DNM3: variants seen among roughly 807,000 people sequenced by gnomAD.
The protein encoded by DNM3 is dynamin-3.
DNM3 carries 47 observed loss-of-function variants against 101.6 expected under a neutral mutation model. The observed-to-expected ratio is 0.46, with a 90% confidence interval of 0.37 to 0.59. DNM3 has a LOEUF of 0.59. Among genes scored for constraint, DNM3 ranks in the 20% least tolerant of loss-of-function variants. The probability of loss-of-function intolerance (pLI) is 0.00; values close to 1 mark genes in which losing one functional copy is unlikely to be tolerated. For missense variants in DNM3, 849 were observed against 1,085.7 expected (o/e 0.78, Z 3.06); for synonymous variants, 385 against 387.9 (o/e 0.99, Z 0.09).
chr1:172,238,268 AC>A (rs2061615799), intron 14 of DNM3, among the ~76,000 whole-genome samples: 2 of 152,140 alleles, frequency 1.3e-5, no homozygotes, highest in Admixed American at 6.6e-5. Context: ...ATACTGCCCT[AC>A]ACTTCCTGGT....
At chr1:172,234,463 G>T (rs1311480093) in intron 14 of DNM3, among the ~76,000 whole-genome samples, 2 of 152,068 alleles carry the variant, frequency 1.3e-5, no homozygotes, top group African/African-American at 4.8e-5. Context: ...ACTGCCCAAG[G>T]TAATTTACAG....
chr1:172,314,406 G>A (rs963927157), intron 16 of DNM3, among the ~76,000 whole-genome samples: 12 of 152,176 alleles, frequency 7.9e-5, no homozygotes, highest in Admixed American at 5.9e-4. Context: ...GGTGCAGCAC[G>A]CGGTGCACGA....
At chr1:172,202,688 G>T (rs1403262594) in intron 14 of DNM3, among the ~76,000 whole-genome samples, 1 of 152,124 alleles carries the variant, frequency 6.6e-6, no homozygotes, top group Admixed American at 6.6e-5. Flanking sequence ...AACTGGGCGT[G>T]AGAACTATGT....
intron 14 of DNM3, chr1:172,132,963 C>G: frequency 1.9e-6 from 3 of 1,539,366 alleles, no homozygotes; most frequent in South Asian, 1.2e-5. Context: ...GAAATTTGAA[C>G]CCAGGCTGTT....
intron 11 of DNM3, among the ~76,000 whole-genome samples, chr1:172,078,380 C>T (rs1041934965): frequency 2.0e-5 from 3 of 152,212 alleles, no homozygotes; most frequent in African/African-American, 7.2e-5. Context: ...GCATGAGCCA[C>T]TGCACCTGGC....
chr1:172,409,610 C>T lies in DNM3; in HGVS notation c.*1769C>T, dbSNP rs767042340. ...CAAACTGGGGGAAAAAAAGTTAACT[C>T]TTTGTGAATGGAACCAATGTGCAAG... is the stretch of plus-strand genomic sequence containing the variant. On this transcript the variant is annotated 3_prime_UTR_variant, in exon 21 of 21. Coordinates refer to ENST00000627582, the MANE Select transcript of DNM3 (RefSeq NM_015569.5). 25 of 985,516 alleles carry T rather than the reference C, an allele frequency of 2.5e-5. No homozygotes were observed. Among genetic ancestry groups the T allele is most frequent in the Non-Finnish European group, 3.0e-5 (25 of 829,884 alleles). 61.0% of individuals were successfully genotyped at this position (985,516 alleles called of 1,614,324 possible). A position where few individuals can be genotyped will look rare whatever the true frequency, so the allele number is the denominator to read the frequency against.
chr1:171,909,699 G>T (rs1204532476), intron 1 of DNM3, among the ~76,000 whole-genome samples: 1 of 152,122 alleles, frequency 6.6e-6, no homozygotes. Flanking sequence ...AGTTTGTGCT[G>T]TCAAAGACCT....
At chr1:172,171,545 T>G (rs1468931995) in intron 14 of DNM3, among the ~76,000 whole-genome samples, 1 of 151,752 alleles carries the variant, frequency 6.6e-6, no homozygotes, top group African/African-American at 2.4e-5. Flanking sequence ...TTATCCAAAC[T>G]TGTTATTTAC....
intron 2 of DNM3, among the ~76,000 whole-genome samples, chr1:171,929,385 C>G (rs2125356847): frequency 6.6e-6 from 1 of 152,318 alleles, no homozygotes; most frequent in South Asian, 2.1e-4. Flanking sequence ...TTTTGTAGGA[C>G]AGCTGTGCTG....
At chr1:172,373,965 T>G (rs2068479737) in intron 17 of DNM3, among the ~76,000 whole-genome samples, 1 of 152,084 alleles carries the variant, frequency 6.6e-6, no homozygotes, top group Non-Finnish European at 1.5e-5. Context: ...TTTTAATTTA[T>G]TTTTTAGTTG....
intron 14 of DNM3, among the ~76,000 whole-genome samples, chr1:172,233,592 G>C (rs2061422129): frequency 6.6e-6 from 1 of 152,128 alleles, no homozygotes; most frequent in Admixed American, 6.5e-5. Context: ...AACAAAAAAA[G>C]AGAATTTTAG....
At chr1:171,861,673 G>A (rs770635442) in intron 1 of DNM3, among the ~76,000 whole-genome samples, 8 of 152,108 alleles carry the variant, frequency 5.3e-5, no homozygotes, top group Non-Finnish European at 1.2e-4. Context: ...GGTGATTTTA[G>A]ATTAGACAGT....
At chr1:172,004,777 T>C (rs1344718732) in intron 4 of DNM3, among the ~76,000 whole-genome samples, 1 of 151,864 alleles carries the variant, frequency 6.6e-6, no homozygotes, top group East Asian at 1.9e-4. Context: ...AAAAGAGAAC[T>C]CAGTTTAAAT....
chr1:172,106,847 C>CTTTTTTTTTTTTTTTTTTTTTT lies in DNM3; in HGVS notation c.1545+13975_1545+13996dup, dbSNP rs1165611083. Among the ~76,000 whole-genome samples, 12 of 67,954 alleles carry CTTTTTTTTTTTTTTTTTTTTTT rather than the reference C, an allele frequency of 1.8e-4. 1 individual carries two copies. The highest frequency in any genetic ancestry group is 7.6e-4 in the African/African-American group (12 of 15,790). 44.6% of individuals were successfully genotyped at this position (67,954 alleles called of 152,430 possible). A position where few individuals can be genotyped will look rare whatever the true frequency, so the allele number is the denominator to read the frequency against. On this transcript the variant is annotated intron_variant, in intron 13 of 20. Coordinates refer to ENST00000627582, the MANE Select transcript of DNM3 (RefSeq NM_015569.5). Reference sequence around the variant, plus strand: ...TTATTCAATTTAAGGTAACATTATTCTTTTTTTTTTTTTTTTTTTTTTTTG... The same window carrying CTTTTTTTTTTTTTTTTTTTTTT: ...TTATTCAATTTAAGGTAACATTATTCTTTTTTTTTTTTTTTTTTTTTTTTTTTTTTTTTTTTTTTTTTTTTTG...
chr1:171,913,043 G>A (rs137989568), intron 1 of DNM3, among the ~76,000 whole-genome samples: 210 of 152,260 alleles, frequency 1.4e-3, no homozygotes, highest in African/African-American at 5.0e-3. Context: ...AAATATTAAG[G>A]CATTAAGTTC....
intron 17 of DNM3, among the ~76,000 whole-genome samples, chr1:172,323,713 T>C (rs887162907): frequency 2.0e-5 from 3 of 152,188 alleles, no homozygotes; most frequent in Non-Finnish European, 4.4e-5. Context: ...TGACTAAAAA[T>C]CAAACCTCTT....
chr1:172,001,181 T>G (rs2046336797), intron 4 of DNM3, among the ~76,000 whole-genome samples: 1 of 152,022 alleles, frequency 6.6e-6, no homozygotes, highest in Non-Finnish European at 1.5e-5. Context: ...GTTGATAAAT[T>G]GATTAGTGGG....
chr1:172,219,394 A>AG (rs2060824445), intron 14 of DNM3, among the ~76,000 whole-genome samples: 1 of 151,114 alleles, frequency 6.6e-6, no homozygotes. Context: ...AAAAAAAAAA[A>AG]AAAAAAAAGA....
intron 2 of DNM3, among the ~76,000 whole-genome samples, chr1:171,984,848 T>C (rs2125603662): frequency 6.6e-6 from 1 of 152,324 alleles, no homozygotes; most frequent in Admixed American, 6.5e-5. Flanking sequence ...GGGGACACTA[T>C]TCTCAACAAG....
Sources: gnomAD v4.1 joint callset for allele counts (sites outside exome capture counted in the v4.1 genomes callset) on GRCh38, gnomAD v4.1.1 for gene constraint, MANE v1.5 for transcripts, NCBI Gene and HGNC (gene_info 2026-07-23, HGNC 2026-07-21) for gene names.